The following TMIGD3 variants were observed in gnomAD, a reference collection of about 807,000 sequenced individuals.
The protein encoded by TMIGD3 is transmembrane and immunoglobulin domain containing 3.
TMIGD3 carries 21 observed loss-of-function variants against 28.1 expected under a neutral mutation model. The observed-to-expected ratio is 0.75, with a 90% confidence interval of 0.53 to 1.08. TMIGD3 has a LOEUF of 1.08. TMIGD3 is among the 50% of genes least tolerant of loss of function. TMIGD3 has a pLI of 0.00. For synonymous variants in TMIGD3, 151 were observed against 162.1 expected, an observed-to-expected ratio of 0.93 and a Z score of 0.52; for missense variants, 416 against 435.6, an observed-to-expected ratio of 0.96 and a Z score of 0.40.
chr1:111,492,186 C>T (rs1212017885), intron 1 of TMIGD3, among the ~76,000 whole-genome samples: 3 of 152,150 alleles, frequency 2.0e-5, no homozygotes, highest in Non-Finnish European at 4.4e-5. Flanking sequence ...ACTGTCAAGC[C>T]TTCAGAGAAC....
chr1:111,517,308 C>A (rs1655902292), intron 1 of TMIGD3, among the ~76,000 whole-genome samples: 1 of 151,774 alleles, frequency 6.6e-6, no homozygotes, highest in South Asian at 2.1e-4. Flanking sequence ...TACAGGGTGA[C>A]TTCCTTGGAT....
intron 1 of TMIGD3, chr1:111,501,454 A>C (rs1183043910): frequency 6.6e-6 from 1 of 152,226 alleles, no homozygotes; most frequent in East Asian, 1.9e-4. Context: ...ATTTTATTAT[A>C]ACCTCAATTT....
chr1:111,501,690 C>T (rs979242696), intron 1 of TMIGD3, among the ~76,000 whole-genome samples: 2 of 152,072 alleles, frequency 1.3e-5, no homozygotes, highest in South Asian at 2.1e-4. Context: ...GTCTGAGTTC[C>T]GAGCATCGTA....
At chr1:111,559,120 G>T (rs1657630229) in intron 1 of TMIGD3, among the ~76,000 whole-genome samples, 1 of 151,852 alleles carries the variant, frequency 6.6e-6, no homozygotes, top group Non-Finnish European at 1.5e-5. Context: ...AAATATTTAG[G>T]ACTAAGTGAT....
rs202031608 is a variant in TMIGD3 at position 111,503,319 on chromosome 1, A to G, written c.36T>C (p.Asn12=). ...PNNSTALSLA[N]VTYITMEIFI... ...AAATTTCCATGGTGATGTAGGTAAC[A>G]TTGGCCAATGACAGAGCAGTGCTGT... The change falls in exon 1 of 6, where the codon AAT becomes AAC. Residue 12 remains asparagine (N), a synonymous_variant. Transcript: ENST00000369716. The G allele has an allele frequency of 3.2e-5, 51 of 1,613,992 alleles. No homozygotes were observed. The African/African-American group carries it at 6.4e-4, about 20-fold the overall frequency.
intron 1 of TMIGD3, among the ~76,000 whole-genome samples, chr1:111,536,964 C>A (rs1656660982): frequency 6.6e-6 from 1 of 152,202 alleles, no homozygotes. Flanking sequence ...ACCAGTCATG[C>A]CATCAGGAAG....
chr1:111,541,668 GAGAGAGAGAGAAAGAGAGAGAGAGAGAA>G (rs1179166065), intron 1 of TMIGD3, among the ~76,000 whole-genome samples: 1 of 138,944 alleles, frequency 7.2e-6, no homozygotes, highest in African/African-American at 3.4e-5. Flanking sequence ...AGGAAAATGA[GAGAGAGAGAGAAAGAGAGAGAGAGAGAA>G]AGAGAGAGAG....
In TMIGD3 at chr1:111,502,279, T is replaced by A. The variant is rs1174914551; in HGVS notation, c.350+726A>T. On this transcript the variant is annotated intron_variant, in intron 1 of 5. Transcript: ENST00000369716. ...AATAAATATATAGGATATATATTCA[T>A]TATAATAAATATATAGGATATATAT... Among the ~76,000 whole-genome samples the A allele has an allele frequency of 6.0e-5, 6 of 99,706 alleles. 1 individual carries two copies. Among genetic ancestry groups the A allele is most frequent in the Admixed American group, 1.3e-4 (1 of 7,894 alleles). The allele number at this position is 99,706 out of a possible 152,430, so 65.4% of individuals were successfully genotyped here. A position where few individuals can be genotyped will look rare whatever the true frequency, so the allele number is the denominator to read the frequency against.
rs539482308 is a variant in TMIGD3 at position 111,488,928 on chromosome 1, T to C, written c.554A>G (p.Lys185Arg). ...ACGGAAATAGCCTCGGCACCAGTAT[T>C]TGGGGTGATTCTTGTAGTGGGCATT... Reference protein sequence around the residue: ...NYNAHYKNHPKYWCRGYFRDY... With the variant: ...NYNAHYKNHPRYWCRGYFRDY... The change falls in exon 3 of 6, where the codon AAA becomes AGA. Residue 185 changes from lysine to arginine, a missense_variant. Transcript: ENST00000369716. 2.1e-5 allele frequency: 34 copies of C among 1,614,162 alleles called. No individual in the cohort carries two copies. In the African/African-American group the frequency reaches 4.1e-4, roughly 20 times the overall value.
chr1:111,534,204 C>A (rs1439395017), intron 1 of TMIGD3, among the ~76,000 whole-genome samples: 1 of 152,164 alleles, frequency 6.6e-6, no homozygotes, highest in Non-Finnish European at 1.5e-5. Flanking sequence ...ATGAACATAT[C>A]ATGGGTATCT....
In TMIGD3 at chr1:111,499,767, A is replaced by C. The variant is rs183973325; in HGVS notation, c.350+3238T>G. On this transcript the variant is annotated intron_variant, in intron 1 of 5. Transcript: ENST00000369716. Reference sequence around the variant, plus strand: ...AATTAGAGAGAAAGGACAAGGGAAAAATGAAGTGGAGGAAGAGAGTAGTGG... The same window carrying C: ...AATTAGAGAGAAAGGACAAGGGAAACATGAAGTGGAGGAAGAGAGTAGTGG... 1.6e-4 allele frequency: 223 copies of C among 1,425,872 alleles called. 2 individuals are homozygous for C. The East Asian group carries it at 4.8e-3, about 31-fold the overall frequency. The allele number at this position is 1,425,872 out of a possible 1,614,324, so 88.3% of individuals were successfully genotyped here. A position where few individuals can be genotyped will look rare whatever the true frequency, so the allele number is the denominator to read the frequency against.
At chr1:111,518,358 T>C (rs1655935108) in intron 1 of TMIGD3, among the ~76,000 whole-genome samples, 2 of 152,244 alleles carry the variant, frequency 1.3e-5, no homozygotes, top group African/African-American at 4.8e-5. Flanking sequence ...CTCAACCCTA[T>C]TGACATTGTG....
At chr1:111,557,465 G>A (rs1053949819) in intron 1 of TMIGD3, among the ~76,000 whole-genome samples, 1 of 151,756 alleles carries the variant, frequency 6.6e-6, no homozygotes, top group African/African-American at 2.4e-5. Context: ...CAGGAGAATC[G>A]CTGGAACCCA....
At chr1:111,543,784 G>A (rs1217857412) in intron 1 of TMIGD3, among the ~76,000 whole-genome samples, 3 of 152,076 alleles carry the variant, frequency 2.0e-5, no homozygotes, top group Admixed American at 2.0e-4. Context: ...AACAAAAATA[G>A]CATTACCCCT....
chr1:111,516,349 G>A (rs1231440085), intron 1 of TMIGD3, among the ~76,000 whole-genome samples: 4 of 152,170 alleles, frequency 2.6e-5, no homozygotes, highest in Non-Finnish European at 5.9e-5. Context: ...ATGGCTCAGG[G>A]CGACGTCAGA....
intron 1 of TMIGD3, among the ~76,000 whole-genome samples, chr1:111,511,586 T>C (rs1655692756): frequency 6.6e-6 from 1 of 152,162 alleles, no homozygotes. Flanking sequence ...ATGTCTAATA[T>C]TTACATTACA....
At chr1:111,514,311 GA>G (rs1339701165) in intron 1 of TMIGD3, among the ~76,000 whole-genome samples, 1 of 152,128 alleles carries the variant, frequency 6.6e-6, no homozygotes, top group East Asian at 1.9e-4. Flanking sequence ...TTGGAAGGCC[GA>G]GACAGGTGGA....
chr1:111,485,726 C>CAAAAACAAAATAACCCA lies in TMIGD3; in HGVS notation c.973+13_973+14insTGGGTTATTTTGTTTTT. 1 of 850,658 alleles carries CAAAAACAAAATAACCCA rather than the reference C, an allele frequency of 1.2e-6. No homozygotes were observed. The highest frequency in any genetic ancestry group is 1.9e-6 in the Non-Finnish European group (1 of 522,908). The allele number at this position is 850,658 out of a possible 1,614,324, so 52.7% of individuals were successfully genotyped here. ...AATTCTTGCCCACCCCCTCCCTCAA[C>CAAAAACAAAATAACCCA]AATAGCTACTTACCCCTTCTATTCC... is the stretch of plus-strand genomic sequence containing the variant. On this transcript the variant is annotated intron_variant, in intron 5 of 5. Transcript: ENST00000369716.
At chr1:111,484,091 T>C (rs1654246422) in intron 5 of TMIGD3, among the ~76,000 whole-genome samples, 1 of 152,232 alleles carries the variant, frequency 6.6e-6, no homozygotes, top group South Asian at 2.1e-4. Context: ...CAACAGGCTG[T>C]ACAACTTCTT....
Sources: allele counts gnomAD v4.1 joint callset (sites outside exome capture counted in the v4.1 genomes callset), GRCh38; gene constraint gnomAD v4.1.1; transcripts MANE v1.5; gene names NCBI Gene and HGNC (gene_info 2026-07-23, HGNC 2026-07-21).